The following TCF4 variants were observed in gnomAD, a reference collection of about 807,000 sequenced individuals.
TCF4 encodes the protein SL3-3 enhancer factor 2.
In TCF4, 3 loss-of-function variants were observed where a neutral mutation model predicts 82.1. The observed-to-expected ratio is 0.04, with a 90% CI of 0.02 to 0.09. TCF4 has a LOEUF of 0.09. Among genes scored for constraint, TCF4 ranks in the 10% least tolerant of loss-of-function variants. TCF4 has a pLI of 1.00. For synonymous variants in TCF4, 276 were observed against 309.6 expected (o/e 0.89, Z 1.14); for missense variants, 518 against 852.7 (o/e 0.61, Z 4.89).
At chr18:55,476,323 A>G (rs2096287319) in intron 3 of TCF4, among the ~76,000 whole-genome samples, 1 of 152,196 alleles carries the variant, frequency 6.6e-6, no homozygotes, top group Admixed American at 6.5e-5. Context: ...GGTGACCCCA[A>G]AAAAGACTGT....
intron 15 of TCF4, among the ~76,000 whole-genome samples, chr18:55,237,231 T>G (rs2049741743): frequency 6.6e-6 from 1 of 152,194 alleles, no homozygotes; most frequent in African/African-American, 2.4e-5. Flanking sequence ...CTATCTTCAG[T>G]TACGGTGATC....
intron 5 of TCF4, among the ~76,000 whole-genome samples, chr18:55,436,981 C>T (rs1481925296): frequency 6.6e-6 from 1 of 152,196 alleles, no homozygotes; most frequent in East Asian, 1.9e-4. Flanking sequence ...GTAACAAAAT[C>T]ACCCAAGTCC....
At chr18:55,469,096 G>A (rs2096113343) in intron 3 of TCF4, among the ~76,000 whole-genome samples, 1 of 152,136 alleles carries the variant, frequency 6.6e-6, no homozygotes, top group African/African-American at 2.4e-5. Context: ...ATTGCTGGCT[G>A]CTTTAGGAGG....
At chr18:55,432,808 C>T (rs138721337) in intron 5 of TCF4, among the ~76,000 whole-genome samples, 114 of 152,278 alleles carry the variant, frequency 7.5e-4, no homozygotes, top group African/African-American at 2.5e-3. Flanking sequence ...AGTCTAATTC[C>T]AGGCCAGCAG....
intron 3 of TCF4, among the ~76,000 whole-genome samples, chr18:55,573,552 A>C (rs2097497738): frequency 6.6e-6 from 1 of 152,136 alleles, no homozygotes; most frequent in East Asian, 1.9e-4. Flanking sequence ...CCTGTGGCTC[A>C]GTCTTGCGGG....
rs1296062093 is a variant in TCF4 at position 55,317,734 on chromosome 18, TAG to T, written c.549+32623_549+32624del. ...TTACAGGAAAACTTTCTTCTAAGAA[TAG>T]AGAGTTTCCCAATTGAGAGATTCTG... On this transcript the variant is annotated intron_variant, in intron 8 of 19. Transcript: ENST00000354452. 8.5e-5 allele frequency among the ~76,000 whole-genome samples: 13 copies of T among 152,242 alleles called. No individual in the cohort carries two copies. The South Asian group carries it at 2.5e-3, about 29-fold the overall frequency.
intron 5 of TCF4, among the ~76,000 whole-genome samples, chr18:55,459,717 C>A (rs927090873): frequency 1.3e-5 from 2 of 152,104 alleles, no homozygotes; most frequent in Non-Finnish European, 2.9e-5. Context: ...GAACAAGAAA[C>A]AATGCACCTT....
chr18:55,257,277 G>GA (rs1333975282), intron 14 of TCF4, 38 bp downstream of exon 14: 1 of 1,596,348 alleles, frequency 6.3e-7, no homozygotes, highest in Admixed American at 1.7e-5. Flanking sequence ...AACATGACCT[G>GA]AAAATGGGTG....
At chr18:55,317,495 G>A (rs146033154) in intron 8 of TCF4, among the ~76,000 whole-genome samples, 38 of 152,070 alleles carry the variant, frequency 2.5e-4, no homozygotes, top group African/African-American at 9.1e-4. Context: ...GGCTACCTAT[G>A]TCCTATGTGT....
intron 8 of TCF4, among the ~76,000 whole-genome samples, chr18:55,341,370 G>A (rs528508100): frequency 9.9e-5 from 15 of 152,164 alleles, no homozygotes; most frequent in Non-Finnish European, 1.9e-4. Context: ...TGATTCAATA[G>A]ATGCAAATGA....
At chr18:55,556,120 G>T (rs1408608369) in intron 3 of TCF4, among the ~76,000 whole-genome samples, 1 of 152,094 alleles carries the variant, frequency 6.6e-6, no homozygotes, top group Admixed American at 6.6e-5. Context: ...ATCATTAATA[G>T]TTAAGTGAGC....
intron 2 of TCF4, among the ~76,000 whole-genome samples, chr18:55,619,922 C>A (rs1049385126): frequency 2.0e-5 from 3 of 152,104 alleles, no homozygotes; most frequent in Non-Finnish European, 2.9e-5. Context: ...TGTGTCCCCA[C>A]CCAAATCTCA....
At chr18:55,564,667 C>A (rs1265268378) in intron 3 of TCF4, among the ~76,000 whole-genome samples, 1 of 152,118 alleles carries the variant, frequency 6.6e-6, no homozygotes, top group African/African-American at 2.4e-5. Flanking sequence ...TCAAATATAA[C>A]ATACAGATGG....
At chr18:55,406,892 C>T (rs568427731) in intron 5 of TCF4, among the ~76,000 whole-genome samples, 1 of 152,196 alleles carries the variant, frequency 6.6e-6, no homozygotes. Context: ...ACAGCCGCTG[C>T]GGATATTTTT....
At chr18:55,494,966 A>T (rs1027354133) in intron 3 of TCF4, among the ~76,000 whole-genome samples, 2 of 61,260 alleles carry the variant, frequency 3.3e-5, no homozygotes, top group Admixed American at 1.3e-4. Flanking sequence ...GCCTTTCTTT[A>T]AAAAAAAAAA....
chr18:55,234,763 T>A (rs543234006), intron 15 of TCF4, 80 bp from the exon 16 acceptor site: 2 of 1,606,510 alleles, frequency 1.2e-6, no homozygotes, highest in Non-Finnish European at 1.7e-6. Context: ...GAGGACCTGA[T>A]GAAGGCTGGC....
chr18:55,324,648 C>A (rs1026574303), intron 8 of TCF4, among the ~76,000 whole-genome samples: 1 of 152,120 alleles, frequency 6.6e-6, no homozygotes, highest in Non-Finnish European at 1.5e-5. Flanking sequence ...ACCTTGCCAG[C>A]AGTAGGTAAC....
At chr18:55,433,043 A>C (rs2095246219) in intron 5 of TCF4, among the ~76,000 whole-genome samples, 1 of 152,264 alleles carries the variant, frequency 6.6e-6, no homozygotes, top group South Asian at 2.1e-4. Flanking sequence ...AAGTAAAAAA[A>C]GTGCAGTAGT....
At chr18:55,588,599 C>T (rs1466544690), upstream of TCF4, 7 of 1,508,898 alleles carry the variant, frequency 4.6e-6, no homozygotes, top group African/African-American at 5.5e-5. Context: ...TTCTCTTACT[C>T]TCGTTCCCTC....
Sources: allele counts gnomAD v4.1 joint callset (sites outside exome capture counted in the v4.1 genomes callset), GRCh38; gene constraint gnomAD v4.1.1; transcripts MANE v1.5; gene names NCBI Gene and HGNC (gene_info 2026-07-23, HGNC 2026-07-21).